DLG2: variants seen among roughly 807,000 people sequenced by gnomAD.
DLG2 encodes the protein discs large MAGUK scaffold protein 2.
DLG2 carries 45 observed loss-of-function variants against 132.5 expected under a neutral mutation model. That is an observed-to-expected ratio of 0.34 (90% CI 0.27 to 0.44). The LOEUF (loss-of-function observed/expected upper bound fraction) is 0.44, where lower values mean the gene tolerates loss of function less well. Ranked by LOEUF, DLG2 falls within the 20% of genes least tolerant of loss-of-function variation. The probability of loss-of-function intolerance (pLI) is 1.00; values close to 1 mark genes in which losing one functional copy is unlikely to be tolerated. For synonymous variants in DLG2, 424 were observed against 419.6 expected (o/e 1.01, Z -0.13); for missense variants, 1,045 against 1,196.9 (o/e 0.87, Z 1.87).
At chr11:84,660,380 C>A (rs1205369305) in intron 6 of DLG2, among the ~76,000 whole-genome samples, 1 of 152,112 alleles carries the variant, frequency 6.6e-6, no homozygotes, top group Non-Finnish European at 1.5e-5. Context: ...CACTGGGTAC[C>A]CTGACACTTC....
chr11:84,493,769 C>T (rs528888298), intron 7 of DLG2, among the ~76,000 whole-genome samples: 1 of 151,984 alleles, frequency 6.6e-6, no homozygotes, highest in Non-Finnish European at 1.5e-5. Flanking sequence ...ATAATGTATA[C>T]AAAGTGCTTA....
chr11:84,862,678 A>T (rs2083905687), intron 6 of DLG2, among the ~76,000 whole-genome samples: 1 of 152,080 alleles, frequency 6.6e-6, no homozygotes, highest in Non-Finnish European at 1.5e-5. Flanking sequence ...AGGGACCTGG[A>T]TGAAGCTGGA....
At chr11:84,162,762 G>A (rs938194799) in intron 9 of DLG2, among the ~76,000 whole-genome samples, 6 of 152,122 alleles carry the variant, frequency 3.9e-5, no homozygotes, top group Non-Finnish European at 7.4e-5. Flanking sequence ...GGCAAAACTT[G>A]TTTGCTCTCA....
At chr11:85,431,015 T>G (rs2091144489) in intron 3 of DLG2, among the ~76,000 whole-genome samples, 1 of 151,974 alleles carries the variant, frequency 6.6e-6, no homozygotes, top group South Asian at 2.1e-4. Context: ...TGATTTTGGG[T>G]TTCAAATAAT....
chr11:83,463,312 T>G (rs2090397965), intron 26 of DLG2, among the ~76,000 whole-genome samples: 2 of 151,964 alleles, frequency 1.3e-5, no homozygotes, highest in South Asian at 4.1e-4. Context: ...TACAAAGTAG[T>G]GAGAATTTCC....
At chr11:84,195,902 G>T (rs2096506798) in intron 8 of DLG2, among the ~76,000 whole-genome samples, 1 of 152,106 alleles carries the variant, frequency 6.6e-6, no homozygotes, top group Non-Finnish European at 1.5e-5. Context: ...CAAGGATCAT[G>T]CCTGCTATAT....
chr11:84,515,391 G>A (rs1440826889), intron 7 of DLG2, among the ~76,000 whole-genome samples: 11 of 150,862 alleles, frequency 7.3e-5, no homozygotes, highest in African/African-American at 2.7e-4. Flanking sequence ...GTGAAGGAAT[G>A]GAAAAAGATA....
intron 3 of DLG2, among the ~76,000 whole-genome samples, chr11:85,569,213 G>T (rs2077709792): frequency 6.6e-6 from 1 of 151,976 alleles, no homozygotes; most frequent in African/African-American, 2.4e-5. Flanking sequence ...TGTATTTTTA[G>T]TAGAGACGAG....
At chr11:84,667,169 C>A (rs948913738) in intron 6 of DLG2, among the ~76,000 whole-genome samples, 1 of 152,028 alleles carries the variant, frequency 6.6e-6, no homozygotes, top group Non-Finnish European at 1.5e-5. Flanking sequence ...ACAGAATATA[C>A]AAATGTATTT....
chr11:84,991,169 G>A (rs958532336), intron 6 of DLG2, among the ~76,000 whole-genome samples: 1 of 152,136 alleles, frequency 6.6e-6, no homozygotes, highest in Non-Finnish European at 1.5e-5. Context: ...CAGAAATGGG[G>A]ATTCGATCGG....
At chr11:84,727,611 GT>G (rs954236904) in intron 6 of DLG2, among the ~76,000 whole-genome samples, 43 of 151,356 alleles carry the variant, frequency 2.8e-4, no homozygotes, top group Middle Eastern at 3.4e-3. Context: ...CTTTAAAGTA[GT>G]TTTTTTTTCC....
At position 83,747,221 on chromosome 11, in the gene DLG2, A is replaced by G. The variant is rs138783824; in HGVS notation, c.1825+39469T>C. On this transcript the variant is annotated intron_variant, in intron 18 of 27. Coordinates refer to ENST00000376104, the MANE Select transcript of DLG2 (RefSeq NM_001142699.3). ...TGTTATGTAGTTTTGGTAGAATAAC[A>G]TAAGCAATTACATTAAATTAATATT... Among the ~76,000 whole-genome samples the G allele has an allele frequency of 3.4e-3, 514 of 152,290 alleles. 1 individual carries two copies. The highest frequency in any genetic ancestry group is 8.0e-3 in the African/African-American group (332 of 41,560).
chr11:85,583,731 G>A (rs942964560), intron 3 of DLG2, among the ~76,000 whole-genome samples: 1 of 152,162 alleles, frequency 6.6e-6, no homozygotes, highest in Non-Finnish European at 1.5e-5. Flanking sequence ...ATACTCATGA[G>A]ATACTTTCTC....
At position 85,435,595 on chromosome 11, in the gene DLG2, C is replaced by T. The variant is rs117370508; in HGVS notation, c.41-150230G>A. 4.9e-4 allele frequency among the ~76,000 whole-genome samples: 74 copies of T among 152,146 alleles called. 1 individual carries two copies. In the East Asian group the frequency reaches 0.013, roughly 27 times the overall value. On this transcript the variant is annotated intron_variant, in intron 3 of 27. Transcript: ENST00000376104. The stretch of plus-strand genomic sequence containing the variant: ...AAAGAGAATAAAATACCCATCAATA[C>T]AGCTAACAAAGGGGTGAAGAACCTC...
Position 84,189,480 on chromosome 11 carries a change from C to A in DLG2, c.574-25969G>T, listed in dbSNP as rs542039210. ...AGCAATCCAATTACTGGGTATATAC[C>A]CAAGGAATATAAATCATTCTATTAT... On this transcript the variant is annotated intron_variant, in intron 8 of 27. Coordinates refer to ENST00000376104, the MANE Select transcript of DLG2 (RefSeq NM_001142699.3). Among the ~76,000 whole-genome samples the A allele has an allele frequency of 2.0e-5, 3 of 152,112 alleles. No individual in the cohort carries two copies. In the South Asian group the frequency reaches 6.2e-4, roughly 32 times the overall value.
intron 6 of DLG2, among the ~76,000 whole-genome samples, chr11:85,003,469 A>G (rs1478880591): frequency 6.6e-6 from 1 of 152,122 alleles, no homozygotes; most frequent in Non-Finnish European, 1.5e-5. Flanking sequence ...TAAGTTGTAA[A>G]TCTCTTTTGG....
chr11:84,726,437 C>T (rs1417274311), intron 6 of DLG2, among the ~76,000 whole-genome samples: 1 of 152,134 alleles, frequency 6.6e-6, no homozygotes, highest in African/African-American at 2.4e-5. Context: ...CTGCAAAGGA[C>T]ATAAAGTCAC....
rs1210866515 is a variant in DLG2, at chr11:83,531,753, A to G, written c.2193+955T>C. Among the ~76,000 whole-genome samples the G allele has an allele frequency of 7.9e-5, 12 of 152,216 alleles. No individual in the cohort carries two copies. The East Asian group carries it at 1.9e-3, about 24-fold the overall frequency. On this transcript the variant is annotated intron_variant, in intron 21 of 27. Coordinates refer to ENST00000376104, the MANE Select transcript of DLG2 (RefSeq NM_001142699.3). ...AAAATTGGAAACAATTGAAATGTCC[A>G]TCAACTGATAAATGAACAGATTAAA...
At chr11:84,821,845 G>A (rs565462029) in intron 6 of DLG2, among the ~76,000 whole-genome samples, 2 of 151,778 alleles carry the variant, frequency 1.3e-5, no homozygotes, top group South Asian at 4.2e-4. Context: ...GTCTGGCTTG[G>A]TATATGGAGA....
Sources: gnomAD v4.1 joint callset for allele counts (sites outside exome capture counted in the v4.1 genomes callset) on GRCh38, gnomAD v4.1.1 for gene constraint, MANE v1.5 for transcripts, NCBI Gene and HGNC (gene_info 2026-07-23, HGNC 2026-07-21) for gene names.